SLIT2: variants seen among roughly 807,000 people sequenced by gnomAD.
SLIT2 encodes the protein slit guidance ligand 2, also known as slit homolog 2 protein.
In SLIT2, 41 loss-of-function variants were observed where a neutral mutation model predicts 185.7. The observed-to-expected ratio is 0.22, with a 90% CI of 0.17 to 0.29. SLIT2 has a LOEUF of 0.29. SLIT2 is among the 10% of genes least tolerant of loss of function. The probability of loss-of-function intolerance (pLI) is 1.00; values close to 1 mark genes in which losing one functional copy is unlikely to be tolerated. For synonymous variants in SLIT2, 693 were observed against 680.2 expected, an observed-to-expected ratio of 1.02 and a Z score of -0.29; for missense variants, 1,571 against 1,909.0, an observed-to-expected ratio of 0.82 and a Z score of 3.30.
rs528293849 is a variant in SLIT2 at position 20,279,835 on chromosome 4, A to G, written c.395+10954A>G. ...ATGGGTTGTCACATATAATTCTTTA[A>G]TCGTAACCTGTGTATTAACTTTGCC... is the stretch of plus-strand genomic sequence containing the variant. On this transcript the variant is annotated intron_variant, in intron 4 of 36. Transcript: ENST00000504154. 2.6e-4 allele frequency among the ~76,000 whole-genome samples: 39 copies of G among 152,282 alleles called. 1 individual carries two copies. The South Asian group carries it at 7.9e-3, about 31-fold the overall frequency.
chr4:20,572,932 C>T (rs1725731547), intron 29 of SLIT2, among the ~76,000 whole-genome samples: 2 of 152,112 alleles, frequency 1.3e-5, no homozygotes, highest in East Asian at 1.9e-4. Context: ...CTTTGTTTTC[C>T]GAATCTCTGA....
intron 33 of SLIT2, 68 bp downstream of exon 33, chr4:20,598,463 C>A: frequency 6.4e-7 from 1 of 1,554,750 alleles, no homozygotes; most frequent in Non-Finnish European, 8.8e-7. Context: ...TCTCCTCTAT[C>A]ATTTTATTAT....
At chr4:20,447,226 A>G (rs1327785462) in intron 4 of SLIT2, among the ~76,000 whole-genome samples, 1 of 152,236 alleles carries the variant, frequency 6.6e-6, no homozygotes, top group Non-Finnish European at 1.5e-5. Flanking sequence ...TCTTGGCAAC[A>G]ACTTTCAAGC....
intron 4 of SLIT2, among the ~76,000 whole-genome samples, chr4:20,421,261 A>T (rs539504222): frequency 3.0e-4 from 46 of 152,296 alleles, no homozygotes; most frequent in Admixed American, 1.2e-3. Flanking sequence ...CAGCTTTCAG[A>T]TCCCAGGTAT....
At chr4:20,255,999 C>A (rs1045945970) in intron 1 of SLIT2, among the ~76,000 whole-genome samples, 1 of 152,150 alleles carries the variant, frequency 6.6e-6, no homozygotes, top group Admixed American at 6.5e-5. Context: ...CTGCAGAAAT[C>A]TGAACAAAAA....
intron 2 of SLIT2, among the ~76,000 whole-genome samples, 197 bp from the exon 3 acceptor site, chr4:20,257,671 T>C (rs1172935076): frequency 6.6e-6 from 1 of 151,966 alleles, no homozygotes; most frequent in East Asian, 1.9e-4. Context: ...GTATTAAGTT[T>C]TGTGATGCAG....
At position 20,491,743 on chromosome 4, in the gene SLIT2, T is replaced by C. The variant is rs1490226026; in HGVS notation, c.776-18T>C. The C allele has an allele frequency of 6.2e-7, 1 of 1,603,424 alleles. No homozygotes were observed. The highest frequency in any genetic ancestry group is 8.5e-7 in the Non-Finnish European group (1 of 1,175,618). On this transcript the variant is annotated intron_variant, in intron 8 of 36. Transcript: ENST00000504154. ...TATTCAGGAGGAAAAATATAATTCCTGTTTATTTCTTTTTTAGGTCACCAG... is the reference window on the plus strand; with the variant it reads ...TATTCAGGAGGAAAAATATAATTCCCGTTTATTTCTTTTTTAGGTCACCAG...
intron 4 of SLIT2, among the ~76,000 whole-genome samples, chr4:20,427,514 A>G (rs941615785): frequency 3.3e-5 from 5 of 152,192 alleles, no homozygotes; most frequent in Non-Finnish European, 7.3e-5. Flanking sequence ...AAACCTATCT[A>G]TATGATGTGC....
At chr4:20,382,881 A>G (rs1724642769) in intron 4 of SLIT2, among the ~76,000 whole-genome samples, 1 of 152,166 alleles carries the variant, frequency 6.6e-6, no homozygotes, top group Non-Finnish European at 1.5e-5. Context: ...GAGGATGTAC[A>G]AAACTGATTT....
chr4:20,330,392 A>T (rs1486073216), intron 4 of SLIT2, among the ~76,000 whole-genome samples: 1 of 152,052 alleles, frequency 6.6e-6, no homozygotes, highest in Non-Finnish European at 1.5e-5. Context: ...GGTGATAATG[A>T]TGTGGTCGGT....
intron 5 of SLIT2, among the ~76,000 whole-genome samples, chr4:20,472,294 A>ATCTATATATATC (rs377119024): frequency 2.7e-5 from 1 of 37,246 alleles, no homozygotes; most frequent in Admixed American, 5.3e-4. Context: ...ATAGATATAT[A>ATCTATATATATC]GATATATAGA....
intron 4 of SLIT2, among the ~76,000 whole-genome samples, chr4:20,351,212 C>T (rs2109263145): frequency 6.6e-6 from 1 of 152,088 alleles, no homozygotes; most frequent in Middle Eastern, 3.4e-3. Context: ...ACACGACTGT[C>T]TAATTTTTGT....
At chr4:20,259,495 A>T (rs534164644) in intron 3 of SLIT2, among the ~76,000 whole-genome samples, 23 of 151,664 alleles carry the variant, frequency 1.5e-4, no homozygotes, top group African/African-American at 5.1e-4. Context: ...CTTTTTATGC[A>T]GTCTCTATTT....
intron 1 of SLIT2, among the ~76,000 whole-genome samples, chr4:20,255,532 C>A (rs1711720973): frequency 6.6e-6 from 1 of 152,116 alleles, no homozygotes; most frequent in Non-Finnish European, 1.5e-5. Flanking sequence ...CTCTGCTTAG[C>A]ATGGAGAAGT....
intron 4 of SLIT2, among the ~76,000 whole-genome samples, chr4:20,396,365 G>A (rs1428413820): frequency 6.6e-6 from 1 of 151,772 alleles, no homozygotes; most frequent in Non-Finnish European, 1.5e-5. Context: ...TTAATGTTCA[G>A]ATATTTTTCT....
In SLIT2 at chr4:20,585,641, C is replaced by T. The variant is rs746287258; in HGVS notation, c.3089-4003C>T. ...TTATCTTTCTTGATGTCAGTTTAAA[C>T]GTATTAAGACCTGCTTATAGGGTAA... is the stretch of plus-strand genomic sequence containing the variant. On this transcript the variant is annotated intron_variant, in intron 29 of 36. Transcript: ENST00000504154. 1.1e-4 allele frequency among the ~76,000 whole-genome samples: 16 copies of T among 152,132 alleles called. 1 individual carries two copies. The highest frequency in any genetic ancestry group is 1.9e-4 in the African/African-American group (8 of 41,426).
intron 22 of SLIT2, among the ~76,000 whole-genome samples, chr4:20,548,124 T>G (rs1198418939): frequency 1.3e-5 from 2 of 152,072 alleles, no homozygotes; most frequent in African/African-American, 4.8e-5. Context: ...GCAAGTCACC[T>G]CCAAGGAAGC....
Position 20,253,194 on chromosome 4 carries a change from A to G in SLIT2, c.-622A>G, listed in dbSNP as rs1722173842. ...AGGGAGAGGCCGCGTGAGTGAGCAG[A>G]GTCCAGAGCCGTGCGCCCCCAGAAC... On this transcript the variant is annotated 5_prime_UTR_variant, in exon 1 of 37. Transcript: ENST00000504154. The G allele has an allele frequency of 6.5e-6, 1 of 152,794 alleles. No individual in the cohort carries two copies. The highest frequency in any genetic ancestry group is 1.5e-5 in the Non-Finnish European group (1 of 68,540). The allele number at this position is 152,794 out of a possible 1,614,324, so 9.5% of individuals were successfully genotyped here.
intron 4 of SLIT2, among the ~76,000 whole-genome samples, chr4:20,343,939 C>G (rs780958150): frequency 2.0e-5 from 3 of 152,028 alleles, no homozygotes; most frequent in Non-Finnish European, 2.9e-5. Flanking sequence ...TAACCTCCGC[C>G]TCCTGGGTTC....
Sources: gnomAD v4.1 joint callset for allele counts (sites outside exome capture counted in the v4.1 genomes callset) on GRCh38, gnomAD v4.1.1 for gene constraint, MANE v1.5 for transcripts, NCBI Gene and HGNC (gene_info 2026-07-23, HGNC 2026-07-21) for gene names.